The following CEP83 variants were observed in gnomAD, a reference collection of about 807,000 sequenced individuals.
CEP83 encodes the protein centrosomal protein of 83 kDa.
A neutral mutation model predicts 101.9 loss-of-function variants in CEP83; 70 were observed. The observed-to-expected ratio is 0.69, with a 90% CI of 0.57 to 0.84. The LOEUF (loss-of-function observed/expected upper bound fraction) is 0.84. Ranked by LOEUF, CEP83 falls within the 40% of genes least tolerant of loss-of-function variation. The pLI is 0.00. For synonymous variants in CEP83, 264 were observed against 267.9 expected (o/e 0.99, Z 0.14); for missense variants, 715 against 787.2 (o/e 0.91, Z 1.10).
At chr12:94,301,188 G>T in the CEP83 span, 1 of 586,752 alleles carries the variant, frequency 1.7e-6, no homozygotes, top group African/African-American at 1.9e-5. Flanking sequence ...AAGGGCCACT[G>T]TCAATTTGCT....
chr12:94,354,564 T>C (rs1055742114), intron 11 of CEP83, among the ~76,000 whole-genome samples: 44 of 152,162 alleles, frequency 2.9e-4, no homozygotes, highest in African/African-American at 1.0e-3. Flanking sequence ...CAAGTCTCAA[T>C]AAATTTTTAA....
intron 5 of CEP83, among the ~76,000 whole-genome samples, chr12:94,402,487 A>G (rs2063312742): frequency 6.6e-6 from 1 of 152,182 alleles, no homozygotes; most frequent in Non-Finnish European, 1.5e-5. Flanking sequence ...TTGCAGTATT[A>G]AATAGGTAGA....
At chr12:94,406,908 C>A (rs1011976202) in intron 4 of CEP83, among the ~76,000 whole-genome samples, 3 of 148,852 alleles carry the variant, frequency 2.0e-5, no homozygotes, top group Non-Finnish European at 4.4e-5. Flanking sequence ...GCCTGGGCGA[C>A]ACAGAGAGAC....
the CEP83 span, among the ~76,000 whole-genome samples, chr12:94,294,002 T>C: frequency 1.3e-5 from 2 of 152,092 alleles, no homozygotes; most frequent in Non-Finnish European, 2.9e-5. Context: ...AGGCCCTACC[T>C]CCTAATACCA....
intron 13 of CEP83, among the ~76,000 whole-genome samples, chr12:94,333,129 C>T (rs1031994849): frequency 5.4e-5 from 8 of 148,908 alleles, no homozygotes; most frequent in Non-Finnish European, 1.2e-4. Context: ...AAGTTTTGCA[C>T]ATCAAAAACA....
At chr12:94,394,370 G>A (rs571985859) in intron 6 of CEP83, among the ~76,000 whole-genome samples, 146 of 152,232 alleles carry the variant, frequency 9.6e-4, no homozygotes, top group African/African-American at 3.3e-3. Context: ...AACAAGCAAT[G>A]GAGAAAGGAT....
the CEP83 span, among the ~76,000 whole-genome samples, chr12:94,278,788 G>A: frequency 2.0e-5 from 3 of 152,232 alleles, no homozygotes; most frequent in South Asian, 4.2e-4. Context: ...ACAAGGTCAG[G>A]ACTTTGAGAC....
intron 6 of CEP83, among the ~76,000 whole-genome samples, chr12:94,390,417 G>C (rs1015740069): frequency 4.6e-5 from 7 of 152,146 alleles, no homozygotes; most frequent in Non-Finnish European, 7.4e-5. Flanking sequence ...CAAACAGAAA[G>C]AAATAGCAGC....
chr12:94,305,035 C>A (rs1421061082), downstream of CEP83: 1 of 605,740 alleles, frequency 1.7e-6, no homozygotes, highest in African/African-American at 1.9e-5. Context: ...AGCAAAACAA[C>A]TTGCAAAGTG....
the CEP83 span, among the ~76,000 whole-genome samples, chr12:94,294,790 C>T: frequency 6.6e-6 from 1 of 152,166 alleles, no homozygotes; most frequent in East Asian, 1.9e-4. Context: ...CTCTTTATAG[C>T]CCTAAACTCA....
chr12:94,398,414 T>C (rs1213259959), intron 6 of CEP83, among the ~76,000 whole-genome samples: 1 of 152,178 alleles, frequency 6.6e-6, no homozygotes, highest in Non-Finnish European at 1.5e-5. Flanking sequence ...ACATAAATTA[T>C]GAAGATTTCA....
chr12:94,312,550 A>G (rs1488242314), intron 15 of CEP83: 1 of 984,954 alleles, frequency 1.0e-6, no homozygotes, highest in African/African-American at 1.7e-5. Flanking sequence ...TAAAATCTCC[A>G]CACCAGGAAA....
At chr12:94,457,228 A>G (rs879403684) in intron 1 of CEP83, among the ~76,000 whole-genome samples, 49 of 152,212 alleles carry the variant, frequency 3.2e-4, no homozygotes, top group Admixed American at 2.7e-3. Context: ...GAGGATTTCA[A>G]ATAATTCACC....
At chr12:94,303,111 A>G (rs1205670475), downstream of CEP83, among the ~76,000 whole-genome samples, 1 of 152,238 alleles carries the variant, frequency 6.6e-6, no homozygotes, top group Non-Finnish European at 1.5e-5. Flanking sequence ...AAATAAAATC[A>G]TATTTAATTT....
chr12:94,363,686 C>T (rs547962907), intron 11 of CEP83, among the ~76,000 whole-genome samples: 3 of 152,114 alleles, frequency 2.0e-5, no homozygotes, highest in East Asian at 1.9e-4. Flanking sequence ...CGGTGGCTCA[C>T]GCTTGTAATC....
At chr12:94,381,416 A>G (rs964827367) in intron 6 of CEP83, among the ~76,000 whole-genome samples, 5 of 152,182 alleles carry the variant, frequency 3.3e-5, no homozygotes, top group African/African-American at 1.2e-4. Flanking sequence ...AACTTACTTG[A>G]CAGATAAGAC....
At position 94,343,152 on chromosome 12, in the gene CEP83, CTT is replaced by C. The variant is rs200927431; in HGVS notation, c.1344-7490_1344-7489del. Among the ~76,000 whole-genome samples the C allele has an allele frequency of 7.8e-4, 119 of 151,662 alleles. 1 individual carries two copies. The East Asian group carries it at 0.022, about 28-fold the overall frequency. ...ATATATATATATAGAACTTCATACT[CTT>C]ATAAGACTCCATGTGTTTACGTAAC... On this transcript the variant is annotated intron_variant, in intron 11 of 16. Transcript: ENST00000397809.
chr12:94,460,095 G>A (rs2068043215), upstream of CEP83: 1 of 152,450 alleles, frequency 6.6e-6, no homozygotes, highest in Non-Finnish European at 1.5e-5. Flanking sequence ...CAGCGGCAGC[G>A]GCGGGGCCGG....
At chr12:94,347,963 C>T (rs1195883884) in intron 11 of CEP83, among the ~76,000 whole-genome samples, 1 of 151,792 alleles carries the variant, frequency 6.6e-6, no homozygotes, top group Non-Finnish European at 1.5e-5. Context: ...GGCAAAGAAC[C>T]AGAAGATAAA....
Sources: allele counts gnomAD v4.1 joint callset (sites outside exome capture counted in the v4.1 genomes callset), GRCh38; gene constraint gnomAD v4.1.1; transcripts MANE v1.5; gene names NCBI Gene and HGNC (gene_info 2026-07-23, HGNC 2026-07-21).